RPS6KC1: variants seen among roughly 807,000 people sequenced by gnomAD.
The protein encoded by RPS6KC1 is ribosomal protein S6 kinase C1, also known as inactive ribosomal protein S6 kinase delta-1.
Under a neutral mutation model 103.8 loss-of-function variants are expected in RPS6KC1, and 54 were observed. The ratio of observed to expected loss-of-function variants is 0.52; its 90% CI spans 0.42 to 0.65. The LOEUF (loss-of-function observed/expected upper bound fraction) is 0.65, where lower values mean the gene tolerates loss of function less well. Among genes scored for constraint, RPS6KC1 ranks in the 30% least tolerant of loss-of-function variants. RPS6KC1 has a pLI of 0.00. For synonymous variants in RPS6KC1, 439 were observed against 438.7 expected, an observed-to-expected ratio of 1.00 and a Z score of -0.01; for missense variants, 1,151 against 1,253.8, an observed-to-expected ratio of 0.92 and a Z score of 1.24.
chr1:213,762,165 C>A, the RPS6KC1 span, among the ~76,000 whole-genome samples: 4 of 152,196 alleles, frequency 2.6e-5, no homozygotes, highest in Non-Finnish European at 5.9e-5. Context: ...GGCAGGGACT[C>A]TGCCTTGCAT....
At chr1:213,578,578 A>G in the RPS6KC1 span, among the ~76,000 whole-genome samples, 5 of 152,210 alleles carry the variant, frequency 3.3e-5, no homozygotes, top group Non-Finnish European at 5.9e-5. Context: ...TCATCAGTGT[A>G]ACCTGGATGT....
chr1:213,655,597 G>C, the RPS6KC1 span, among the ~76,000 whole-genome samples: 1 of 152,194 alleles, frequency 6.6e-6, no homozygotes, highest in Non-Finnish European at 1.5e-5. Flanking sequence ...TACTGGCAGA[G>C]AGAAATTCAA....
chr1:213,500,659 C>T, the RPS6KC1 span, among the ~76,000 whole-genome samples: 1 of 152,226 alleles, frequency 6.6e-6, no homozygotes, highest in South Asian at 2.1e-4. Flanking sequence ...ATTAGGACAG[C>T]TAAAGGTGAT....
intron 8 of RPS6KC1, among the ~76,000 whole-genome samples, chr1:213,199,468 C>A (rs983744542): frequency 6.6e-6 from 1 of 152,168 alleles, no homozygotes; most frequent in Admixed American, 6.5e-5. Context: ...TAAAAACTCT[C>A]AATAAACTAG....
At chr1:213,308,948 T>C in the RPS6KC1 span, among the ~76,000 whole-genome samples, 1 of 152,186 alleles carries the variant, frequency 6.6e-6, no homozygotes, top group East Asian at 1.9e-4. Flanking sequence ...GTTCCAGTCA[T>C]GGGCAAAGCG....
At chr1:213,216,676 A>G (rs574985386) in intron 8 of RPS6KC1, among the ~76,000 whole-genome samples, 1 of 152,380 alleles carries the variant, frequency 6.6e-6, no homozygotes, top group African/African-American at 2.4e-5. Context: ...ACTGTCTCTC[A>G]GACCACAGTG....
chr1:213,071,116 T>C, intron 2 of RPS6KC1, 75 bp downstream of exon 2: 2 of 885,706 alleles, frequency 2.3e-6, no homozygotes, highest in Non-Finnish European at 3.5e-6. Context: ...GGAAATTGCC[T>C]GAATCATTTG....
chr1:213,843,066 G>A, the RPS6KC1 span, among the ~76,000 whole-genome samples: 1 of 152,186 alleles, frequency 6.6e-6, no homozygotes, highest in Non-Finnish European at 1.5e-5. Flanking sequence ...TCTTGAGTCT[G>A]AAATCTACAG....
chr1:213,835,676 C>T, the RPS6KC1 span, among the ~76,000 whole-genome samples: 47,263 of 152,064 alleles, frequency 0.31, 11,611 homozygotes, highest in African/African-American at 0.68. Flanking sequence ...AGGCTCACAG[C>T]ACCAGTACCA....
the RPS6KC1 span, among the ~76,000 whole-genome samples, chr1:213,378,424 G>A: frequency 6.6e-6 from 1 of 152,304 alleles, no homozygotes; most frequent in South Asian, 2.1e-4. Context: ...TTAGTTATTT[G>A]TTTTGGGATG....
chr1:213,497,652 C>T, the RPS6KC1 span, among the ~76,000 whole-genome samples: 1 of 152,002 alleles, frequency 6.6e-6, no homozygotes, highest in Admixed American at 6.6e-5. Flanking sequence ...AGTATTTTAG[C>T]TCAAGAAAGT....
chr1:213,343,391 GTATATATATATATATATATATATATA>G, the RPS6KC1 span, among the ~76,000 whole-genome samples: 185 of 65,864 alleles, frequency 2.8e-3, 14 homozygotes, highest in South Asian at 0.022. Context: ...AGTGTTGTGT[GTATATATATATATATATATATATATA>G]TATATATATA....
intron 8 of RPS6KC1, among the ~76,000 whole-genome samples, chr1:213,224,955 G>T (rs1439332295): frequency 6.6e-6 from 1 of 151,372 alleles, no homozygotes; most frequent in Non-Finnish European, 1.5e-5. Flanking sequence ...GTTTCTCTTT[G>T]TGTACAGCTG....
At chr1:213,418,910 C>T in the RPS6KC1 span, among the ~76,000 whole-genome samples, 2 of 152,224 alleles carry the variant, frequency 1.3e-5, no homozygotes, top group Non-Finnish European at 2.9e-5. Flanking sequence ...CTGCCAGGCC[C>T]GGCTCACCGG....
At chr1:213,754,282 C>A in the RPS6KC1 span, among the ~76,000 whole-genome samples, 1 of 152,198 alleles carries the variant, frequency 6.6e-6, no homozygotes, top group East Asian at 1.9e-4. Flanking sequence ...CAATCTCACT[C>A]TTCTTCTTCC....
chr1:213,255,204 T>C (rs956302046), intron 12 of RPS6KC1, among the ~76,000 whole-genome samples: 5 of 151,654 alleles, frequency 3.3e-5, no homozygotes, highest in East Asian at 3.9e-4. Context: ...CCCATGCCTG[T>C]GGTCCCAGCT....
At chr1:213,585,302 C>T in the RPS6KC1 span, among the ~76,000 whole-genome samples, 1 of 152,162 alleles carries the variant, frequency 6.6e-6, no homozygotes, top group Admixed American at 6.5e-5. Flanking sequence ...CACAGACTTT[C>T]CCTCTGCAGA....
At chr1:213,689,308 G>A in the RPS6KC1 span, among the ~76,000 whole-genome samples, 4 of 152,202 alleles carry the variant, frequency 2.6e-5, no homozygotes, top group Admixed American at 6.5e-5. Flanking sequence ...TTTCAGCTTC[G>A]GTACTTCCAA....
At chr1:213,350,830 G>C in the RPS6KC1 span, among the ~76,000 whole-genome samples, 1 of 151,738 alleles carries the variant, frequency 6.6e-6, no homozygotes, top group Non-Finnish European at 1.5e-5. Flanking sequence ...TACAAAATTG[G>C]TATCATATAT....
Sources: allele counts gnomAD v4.1 joint callset (sites outside exome capture counted in the v4.1 genomes callset), GRCh38; gene constraint gnomAD v4.1.1; transcripts MANE v1.5; gene names NCBI Gene and HGNC (gene_info 2026-07-23, HGNC 2026-07-21).